CCSER1: variants seen among roughly 807,000 people sequenced by gnomAD.
CCSER1 encodes serine-rich coiled-coil domain-containing protein 1.
CCSER1 carries 41 observed loss-of-function variants against 82.0 expected under a neutral mutation model. That is an observed-to-expected ratio of 0.50 (90% CI 0.39 to 0.65). The LOEUF is 0.65. CCSER1 is among the 30% of genes least tolerant of loss of function. The pLI is 0.00. For missense variants in CCSER1, 1,119 were observed against 1,064.2 expected (o/e 1.05, Z -0.72); for synonymous variants, 414 against 383.9 (o/e 1.08, Z -0.92).
chr4:90,704,306 C>A lies in CCSER1; in HGVS notation c.1933-19608C>A, dbSNP rs925425010. The stretch of plus-strand genomic sequence containing the variant: ...TTAGAATGTTGAATATTGGCCCCTA[C>A]TCTCTTCTGGCATGTAGAGTTTCTG... On this transcript the variant is annotated intron_variant, in intron 6 of 10. Transcript: ENST00000509176. Among the ~76,000 whole-genome samples the A allele has an allele frequency of 2.6e-5, 4 of 152,302 alleles. No homozygotes were observed. The East Asian group carries it at 5.8e-4, about 22-fold the overall frequency.
chr4:90,764,433 T>G (rs527890523), intron 7 of CCSER1, among the ~76,000 whole-genome samples: 1 of 152,254 alleles, frequency 6.6e-6, no homozygotes, highest in Admixed American at 6.5e-5. Context: ...AAGACTGAAT[T>G]TATGGAATGC....
At chr4:91,289,965 T>C (rs1175798592) in intron 10 of CCSER1, among the ~76,000 whole-genome samples, 1 of 151,940 alleles carries the variant, frequency 6.6e-6, no homozygotes, top group South Asian at 2.1e-4. Flanking sequence ...AGTCTGAAGG[T>C]AATCTGAAGA....
intron 10 of CCSER1, among the ~76,000 whole-genome samples, chr4:91,373,342 G>T (rs1473088611): frequency 6.6e-6 from 1 of 152,052 alleles, no homozygotes; most frequent in Non-Finnish European, 1.5e-5. Context: ...CCTCGAGCAA[G>T]TCTGTTAGCA....
chr4:90,703,174 C>G (rs1325468182), intron 6 of CCSER1, among the ~76,000 whole-genome samples: 1 of 152,142 alleles, frequency 6.6e-6, no homozygotes, highest in Admixed American at 6.5e-5. Context: ...TATGCTGTGT[C>G]TTTGTTCTCA....
intron 5 of CCSER1, among the ~76,000 whole-genome samples, chr4:90,603,249 G>A (rs1379283579): frequency 6.6e-6 from 1 of 152,206 alleles, no homozygotes; most frequent in Non-Finnish European, 1.5e-5. Context: ...AGGTTATCTG[G>A]ACGTGCAGAC....
chr4:90,773,102 T>C (rs1202089109), intron 7 of CCSER1, among the ~76,000 whole-genome samples: 1 of 152,078 alleles, frequency 6.6e-6, no homozygotes. Context: ...TAGCCAGGCA[T>C]GGTGGTGCAT....
At chr4:91,434,389 T>G (rs72656202) in intron 10 of CCSER1, among the ~76,000 whole-genome samples, 2,316 of 152,188 alleles carry the variant, frequency 0.015, 29 homozygotes, top group Non-Finnish European at 0.025. Context: ...ACGTTCAAAG[T>G]TACAGAGAAG....
intron 9 of CCSER1, among the ~76,000 whole-genome samples, chr4:91,000,060 T>G (rs530157800): frequency 5.9e-5 from 9 of 152,176 alleles, no homozygotes; most frequent in Admixed American, 3.9e-4. Flanking sequence ...CCCCACTGTT[T>G]ATTTTTGATG....
intron 9 of CCSER1, among the ~76,000 whole-genome samples, chr4:91,039,414 G>T (rs1195650991): frequency 6.6e-6 from 1 of 151,622 alleles, no homozygotes; most frequent in Non-Finnish European, 1.5e-5. Context: ...ACAACATTGT[G>T]TTTTTTTTCT....
At chr4:90,515,398 T>C (rs1365527645) in intron 5 of CCSER1, among the ~76,000 whole-genome samples, 1 of 152,216 alleles carries the variant, frequency 6.6e-6, no homozygotes, top group East Asian at 1.9e-4. Flanking sequence ...ATTTTCTTAG[T>C]ACATTGGGCA....
At chr4:91,112,191 G>A (rs960949588) in intron 10 of CCSER1, among the ~76,000 whole-genome samples, 2 of 152,004 alleles carry the variant, frequency 1.3e-5, no homozygotes, top group African/African-American at 4.8e-5. Flanking sequence ...CTAAGAGATC[G>A]TCCTGAAAAA....
At chr4:90,194,577 C>T (rs567498570) in intron 1 of CCSER1, among the ~76,000 whole-genome samples, 1 of 151,928 alleles carries the variant, frequency 6.6e-6, no homozygotes, top group South Asian at 2.1e-4. Flanking sequence ...TAACTTTGTA[C>T]TGTGTGTATA....
At chr4:91,324,420 G>A (rs943907720) in intron 10 of CCSER1, among the ~76,000 whole-genome samples, 1 of 152,086 alleles carries the variant, frequency 6.6e-6, no homozygotes, top group Non-Finnish European at 1.5e-5. Context: ...CAATACATTT[G>A]TTCACACGAG....
intron 10 of CCSER1, among the ~76,000 whole-genome samples, chr4:91,472,010 A>G (rs1290650710): frequency 6.6e-6 from 1 of 151,720 alleles, no homozygotes; most frequent in Non-Finnish European, 1.5e-5. Context: ...AAAACTAAAG[A>G]TTTTATTTAA....
intron 5 of CCSER1, among the ~76,000 whole-genome samples, chr4:90,473,109 G>A (rs1764617994): frequency 6.6e-6 from 1 of 152,106 alleles, no homozygotes; most frequent in Non-Finnish European, 1.5e-5. Context: ...CATTTCTCAA[G>A]TCAGTTCTAT....
chr4:90,619,546 T>C (rs1721925564), intron 5 of CCSER1, among the ~76,000 whole-genome samples: 2 of 152,090 alleles, frequency 1.3e-5, no homozygotes, highest in South Asian at 4.1e-4. Context: ...TAGGGGGCAG[T>C]AAATAAGAGT....
intron 10 of CCSER1, among the ~76,000 whole-genome samples, chr4:91,345,779 C>G (rs1223763131): frequency 6.6e-6 from 1 of 152,072 alleles, no homozygotes; most frequent in Non-Finnish European, 1.5e-5. Context: ...TTACTCTCAT[C>G]AGAGTATTAT....
intron 5 of CCSER1, among the ~76,000 whole-genome samples, chr4:90,471,655 A>G (rs1262814848): frequency 6.6e-6 from 1 of 151,554 alleles, no homozygotes; most frequent in Non-Finnish European, 1.5e-5. Flanking sequence ...AGTTTTGTGT[A>G]TTTTGGATTT....
chr4:90,331,964 T>C (rs1739367933), intron 3 of CCSER1, among the ~76,000 whole-genome samples: 1 of 152,124 alleles, frequency 6.6e-6, no homozygotes, highest in South Asian at 2.1e-4. Flanking sequence ...TCTATTTTTA[T>C]TTTTTCCCCT....
Sources: allele counts gnomAD v4.1 joint callset (sites outside exome capture counted in the v4.1 genomes callset), GRCh38; gene constraint gnomAD v4.1.1; transcripts MANE v1.5; gene names NCBI Gene and HGNC (gene_info 2026-07-23, HGNC 2026-07-21).